Variants in VPS13B observed in about 807,000 individuals in gnomAD.
The protein encoded by VPS13B is intermembrane lipid transfer protein VPS13B.
Under a neutral mutation model 426.4 loss-of-function variants are expected in VPS13B, and 285 were observed. The ratio of observed to expected loss-of-function variants is 0.67; its 90% CI spans 0.61 to 0.74. VPS13B has a LOEUF of 0.74. Ranked by LOEUF, VPS13B falls within the 30% of genes least tolerant of loss-of-function variation. The pLI is 0.00. For synonymous variants in VPS13B, 1,676 were observed against 1,676.4 expected (o/e 1.00, Z 0.01); for missense variants, 4,537 against 4,782.6 (o/e 0.95, Z 1.51).
At chr8:99,207,551 A>G (rs1294430151) in intron 17 of VPS13B, among the ~76,000 whole-genome samples, 2 of 152,218 alleles carry the variant, frequency 1.3e-5, no homozygotes, top group African/African-American at 4.8e-5. Context: ...TCTTTGAATT[A>G]TTATTTAAGT....
At chr8:99,676,399 A>G (rs550466746) in intron 35 of VPS13B, among the ~76,000 whole-genome samples, 1 of 152,168 alleles carries the variant, frequency 6.6e-6, no homozygotes, top group South Asian at 2.1e-4. Context: ...TAGCACTGGG[A>G]CAGGTCAAGA....
chr8:99,022,543 G>A (rs1172752907), intron 2 of VPS13B, among the ~76,000 whole-genome samples: 1 of 152,066 alleles, frequency 6.6e-6, no homozygotes, highest in Non-Finnish European at 1.5e-5. Flanking sequence ...TTTTGTAAGT[G>A]TTTCATGTGC....
chr8:99,318,523 A>T (rs1809792741), intron 19 of VPS13B, among the ~76,000 whole-genome samples: 1 of 151,930 alleles, frequency 6.6e-6, no homozygotes, highest in African/African-American at 2.4e-5. Flanking sequence ...TGGAATTATT[A>T]TTTTTTTTAT....
intron 24 of VPS13B, among the ~76,000 whole-genome samples, chr8:99,469,444 G>A (rs1047946838): frequency 1.1e-4 from 16 of 151,884 alleles, no homozygotes; most frequent in African/African-American, 1.9e-4. Flanking sequence ...TCAAAGTGCC[G>A]GGATTACATG....
chr8:99,354,809 A>G (rs1812093936), intron 19 of VPS13B, among the ~76,000 whole-genome samples: 1 of 152,128 alleles, frequency 6.6e-6, no homozygotes, highest in Non-Finnish European at 1.5e-5. Context: ...CTCTCACCTT[A>G]GCCTCCCAAA....
At chr8:99,503,449 G>T (rs922202039) in intron 27 of VPS13B, among the ~76,000 whole-genome samples, 1 of 152,118 alleles carries the variant, frequency 6.6e-6, no homozygotes, top group Non-Finnish European at 1.5e-5. Context: ...CTTTATGAAA[G>T]ATTTCTCTGT....
At chr8:99,733,875 T>G (rs1833702750) in intron 39 of VPS13B, among the ~76,000 whole-genome samples, 1 of 152,212 alleles carries the variant, frequency 6.6e-6, no homozygotes, top group Admixed American at 6.5e-5. Context: ...TGAGATATAA[T>G]TCACACATCA....
chr8:99,420,047 T>A (rs928000511), intron 21 of VPS13B, among the ~76,000 whole-genome samples: 1 of 152,202 alleles, frequency 6.6e-6, no homozygotes, highest in Non-Finnish European at 1.5e-5. Context: ...CCTTCTTTAT[T>A]GATTTAAGTA....
At chr8:99,396,429 G>T (rs1006703561) in intron 21 of VPS13B, among the ~76,000 whole-genome samples, 1 of 152,148 alleles carries the variant, frequency 6.6e-6, no homozygotes, top group Non-Finnish European at 1.5e-5. Context: ...AGGTTAAAAA[G>T]ATATTTAATG....
intron 41 of VPS13B, 46 bp downstream of exon 41, chr8:99,777,002 C>A (rs1811773398): frequency 6.4e-7 from 1 of 1,571,086 alleles, no homozygotes; most frequent in Non-Finnish European, 8.8e-7. Flanking sequence ...TAATACTTAC[C>A]ATTTTCTCTT....
intron 40 of VPS13B, among the ~76,000 whole-genome samples, chr8:99,770,953 G>A (rs184942631): frequency 1.3e-5 from 2 of 152,270 alleles, no homozygotes; most frequent in African/African-American, 4.8e-5. Context: ...AAGGAATCAT[G>A]AGCCCTACTC....
intron 33 of VPS13B, among the ~76,000 whole-genome samples, chr8:99,640,043 GAAGAAGAGAAAAGAAAAGAAAAGAA>G (rs1829267710): frequency 1.2e-5 from 1 of 82,186 alleles, no homozygotes; most frequent in African/African-American, 4.8e-5. Context: ...AGAAGAAGAA[GAAGAAGAGAAAAGAAAAGAAAAGAA>G]AAGAAAAGAA....
chr8:99,769,786 G>T (rs983188723), intron 40 of VPS13B, among the ~76,000 whole-genome samples: 4 of 152,126 alleles, frequency 2.6e-5, no homozygotes, highest in African/African-American at 9.7e-5. Context: ...TCTAAACTGA[G>T]ACTTTAAGGA....
intron 35 of VPS13B, among the ~76,000 whole-genome samples, chr8:99,666,669 A>G (rs1830500972): frequency 6.6e-6 from 1 of 152,190 alleles, no homozygotes; most frequent in Non-Finnish European, 1.5e-5. Context: ...CAAAATAATA[A>G]GAGCTATCTA....
At chr8:99,554,863 A>T (rs1345045579) in intron 30 of VPS13B, among the ~76,000 whole-genome samples, 1 of 152,126 alleles carries the variant, frequency 6.6e-6, no homozygotes, top group Non-Finnish European at 1.5e-5. Context: ...GGCAAATTGA[A>T]AGGATTAATG....
intron 23 of VPS13B, among the ~76,000 whole-genome samples, chr8:99,465,406 T>G (rs779486852): frequency 2.4e-5 from 3 of 126,160 alleles, no homozygotes; most frequent in Non-Finnish European, 5.4e-5. Flanking sequence ...CCTTGAAAGG[T>G]TTTTTTTTTT....
intron 19 of VPS13B, among the ~76,000 whole-genome samples, chr8:99,323,641 GAGTTT>G (rs1250110775): frequency 6.6e-6 from 1 of 152,172 alleles, no homozygotes; most frequent in African/African-American, 2.4e-5. Context: ...AAGTAATAGA[GAGTTT>G]AGTTAAGTAC....
chr8:99,774,842 G>T (rs2130659100), intron 40 of VPS13B, among the ~76,000 whole-genome samples: 1 of 152,292 alleles, frequency 6.6e-6, no homozygotes, highest in East Asian at 1.9e-4. Context: ...GCCCATTATA[G>T]ATGTTTTAAG....
chr8:99,254,220 C>T (rs919269950), intron 17 of VPS13B, among the ~76,000 whole-genome samples: 1 of 152,122 alleles, frequency 6.6e-6, no homozygotes, highest in African/African-American at 2.4e-5. Context: ...TACTGTAGAT[C>T]TGCTTATGAC....
Sources: allele counts gnomAD v4.1 joint callset (sites outside exome capture counted in the v4.1 genomes callset), GRCh38; gene constraint gnomAD v4.1.1; transcripts MANE v1.5; gene names NCBI Gene and HGNC (gene_info 2026-07-23, HGNC 2026-07-21).